ZFP2: variants seen among roughly 807,000 people sequenced by gnomAD.
ZFP2 encodes zinc finger protein ZFP2.
In ZFP2, 33 loss-of-function variants were observed where a neutral mutation model predicts 36.1. The observed-to-expected ratio is 0.92, with a 90% confidence interval of 0.69 to 1.22. ZFP2 has a LOEUF of 1.22. ZFP2 is among the 50% of genes most tolerant of loss of function. ZFP2 has a pLI of 0.00. For synonymous variants in ZFP2, 170 were observed against 178.0 expected, an observed-to-expected ratio of 0.96 and a Z score of 0.36; for missense variants, 522 against 551.4, an observed-to-expected ratio of 0.95 and a Z score of 0.53.
chr5:178,912,840 G>C (rs759938370), intron 2 of ZFP2, 121 bp downstream of exon 2: 1 of 903,292 alleles, frequency 1.1e-6, no homozygotes, highest in Non-Finnish European at 1.3e-6. Flanking sequence ...GAAATTTTCT[G>C]TAGAGAATGG....
At chr5:178,930,314 C>CTTTTTTTTTTTTTTTTT (rs990713790) in intron 4 of ZFP2, among the ~76,000 whole-genome samples, 9 of 71,372 alleles carry the variant, frequency 1.3e-4, no homozygotes, top group Non-Finnish European at 1.7e-4. Context: ...TTTCCCTTTC[C>CTTTTTTTTTTTTTTTTT]TTTTTTTTTT....
chr5:178,906,678 C>T (rs1436966281), intron 1 of ZFP2, among the ~76,000 whole-genome samples: 1 of 152,026 alleles, frequency 6.6e-6, no homozygotes, highest in East Asian at 1.9e-4. Flanking sequence ...GCCTCAGCCT[C>T]CCAAATAGCT....
At chr5:178,897,404 A>G (rs905734439) in intron 1 of ZFP2, among the ~76,000 whole-genome samples, 6 of 152,222 alleles carry the variant, frequency 3.9e-5, no homozygotes, top group African/African-American at 1.4e-4. Flanking sequence ...ACTGTGCAGA[A>G]ACGTCACAGG....
intron 4 of ZFP2, among the ~76,000 whole-genome samples, chr5:178,926,424 C>A (rs1172394575): frequency 6.6e-6 from 1 of 152,138 alleles, no homozygotes; most frequent in Non-Finnish European, 1.5e-5. Flanking sequence ...ATACATAGCA[C>A]CTTAAATGTT....
intron 3 of ZFP2, among the ~76,000 whole-genome samples, chr5:178,915,177 C>T (rs1054869531): frequency 6.6e-6 from 1 of 152,048 alleles, no homozygotes; most frequent in East Asian, 1.9e-4. Flanking sequence ...TTTATTGATG[C>T]CATTTTCATT....
intron 4 of ZFP2, among the ~76,000 whole-genome samples, chr5:178,919,376 C>T (rs2113101475): frequency 6.6e-6 from 1 of 152,304 alleles, no homozygotes; most frequent in East Asian, 1.9e-4. Flanking sequence ...AGAGTTCTGG[C>T]TCTGATATTA....
intron 4 of ZFP2, among the ~76,000 whole-genome samples, chr5:178,927,060 C>T (rs1232680065): frequency 5.3e-5 from 8 of 152,100 alleles, no homozygotes; most frequent in African/African-American, 1.4e-4. Flanking sequence ...GATCAGCAAT[C>T]GGAAAGCTGA....
chr5:178,910,289 G>T, intron 1 of ZFP2: 6 of 1,341,690 alleles, frequency 4.5e-6, no homozygotes, highest in Non-Finnish European at 6.4e-6. Flanking sequence ...AGTGCTCCAT[G>T]CCTTCCTCCA....
At chr5:178,922,076 G>A (rs764746146) in intron 4 of ZFP2, 12 of 955,250 alleles carry the variant, frequency 1.3e-5, no homozygotes, top group Middle Eastern at 2.3e-4. Context: ...GAAAGATACC[G>A]ATATCAAGAG....
At chr5:178,910,421 G>C in intron 1 of ZFP2, 1 of 806,146 alleles carries the variant, frequency 1.2e-6, no homozygotes, top group Non-Finnish European at 2.2e-6. Flanking sequence ...TTGGCAGCTG[G>C]CAGCCTCGGC....
chr5:178,919,176 C>T (rs1474158206), intron 4 of ZFP2, among the ~76,000 whole-genome samples: 4 of 45,898 alleles, frequency 8.7e-5, no homozygotes, highest in Non-Finnish European at 1.5e-4. Context: ...TGTTTTTGAA[C>T]ACGAATGGAT....
Position 178,909,811 on chromosome 5 carries a change from CGAA to C in ZFP2, c.-449-2770_-449-2768del, listed in dbSNP as rs1266896523. ...TTCATTTCCCACTCCACAAAGGTGTCGAAGAGATTTGGCCAGGCCTCATCTTCA... is the reference window on the plus strand; with the variant it reads ...TTCATTTCCCACTCCACAAAGGTGTCGAGATTTGGCCAGGCCTCATCTTCA... On this transcript the variant is annotated intron_variant, in intron 1 of 4. Transcript: ENST00000361362. The C allele has an allele frequency of 3.1e-6, 5 of 1,593,378 alleles. No individual in the cohort carries two copies. In the African/African-American group the frequency reaches 6.7e-5, roughly 21 times the overall value.
At chr5:178,922,510 C>T (rs1427043153) in intron 4 of ZFP2, 2 of 1,376,000 alleles carry the variant, frequency 1.5e-6, no homozygotes, top group Non-Finnish European at 2.1e-6. Flanking sequence ...GAGTTACATC[C>T]ATATGGGAGA....
chr5:178,925,107 T>TTATATATATATATATATA (rs766110848), intron 4 of ZFP2, among the ~76,000 whole-genome samples: 1 of 110,160 alleles, frequency 9.1e-6, no homozygotes, highest in Non-Finnish European at 2.1e-5. Flanking sequence ...AATTGAATCT[T>TTATATATATATATATATA]TATATATATA....
At chr5:178,913,126 C>A (rs1758331379) in intron 3 of ZFP2, 55 bp downstream of exon 3, 12 of 941,512 alleles carry the variant, frequency 1.3e-5, no homozygotes, top group Non-Finnish European at 1.5e-5. Context: ...GGGAAAATCA[C>A]TTCAGAGATT....
intron 4 of ZFP2, among the ~76,000 whole-genome samples, chr5:178,926,490 G>T (rs1213007479): frequency 6.6e-6 from 1 of 151,936 alleles, no homozygotes; most frequent in Non-Finnish European, 1.5e-5. Context: ...GCAACAGGGA[G>T]CTGCCAATTC....
At chr5:178,899,751 C>T (rs1252291005) in intron 1 of ZFP2, among the ~76,000 whole-genome samples, 1 of 151,086 alleles carries the variant, frequency 6.6e-6, no homozygotes, top group Admixed American at 6.6e-5. Context: ...GAAAATAAGG[C>T]ATCAGAAGAC....
intron 1 of ZFP2, among the ~76,000 whole-genome samples, chr5:178,897,790 A>T (rs1027328671): frequency 1.3e-5 from 2 of 152,160 alleles, no homozygotes; most frequent in African/African-American, 4.8e-5. Flanking sequence ...TTACAGCTGT[A>T]TCCACCCCTA....
Position 178,925,744 on chromosome 5 carries a change from G to T in ZFP2, c.-77-5493G>T, listed in dbSNP as rs145522711. Among the ~76,000 whole-genome samples, 3 of 149,384 alleles carry T rather than the reference G, an allele frequency of 2.0e-5. 1 individual carries two copies. Among genetic ancestry groups the T allele is most frequent in the Admixed American group, 1.3e-4 (2 of 14,928 alleles). On this transcript the variant is annotated intron_variant, in intron 4 of 4. Transcript: ENST00000361362. The stretch of plus-strand genomic sequence containing the variant: ...TTTGCCCATTTTTCTAGTGGGCTTG[G>T]TGTTTCATAAGCATTATTTTCCAAG...
Sources: gnomAD v4.1 joint callset for allele counts (sites outside exome capture counted in the v4.1 genomes callset) on GRCh38, gnomAD v4.1.1 for gene constraint, MANE v1.5 for transcripts, NCBI Gene and HGNC (gene_info 2026-07-23, HGNC 2026-07-21) for gene names.